Variants in ZDHHC23 observed in about 807,000 individuals in gnomAD.
ZDHHC23 encodes palmitoyltransferase ZDHHC23.
Under a neutral mutation model 40.2 loss-of-function variants are expected in ZDHHC23, and 41 were observed. The observed-to-expected ratio is 1.02, with a 90% CI of 0.79 to 1.32. ZDHHC23 has a LOEUF of 1.32. Among genes scored for constraint, ZDHHC23 ranks in the 40% most tolerant of loss-of-function variants. ZDHHC23 has a pLI of 0.00. For missense variants in ZDHHC23, 471 were observed against 541.5 expected (o/e 0.87, Z 1.29); for synonymous variants, 204 against 210.2 (o/e 0.97, Z 0.26).
At chr3:113,976,928 T>C in the ZDHHC23 span, among the ~76,000 whole-genome samples, 4 of 152,172 alleles carry the variant, frequency 2.6e-5, no homozygotes, top group Admixed American at 6.5e-5. Flanking sequence ...AACAAAACTA[T>C]AATCAACTTG....
Position 113,960,551 on chromosome 3 carries a change from A to C in ZDHHC23, c.*1921A>C. 6.9e-7 allele frequency: 1 copy of C among 1,447,858 alleles called. No individual in the cohort carries two copies. The highest frequency in any genetic ancestry group is 9.0e-7 in the Non-Finnish European group (1 of 1,107,746). The allele number at this position is 1,447,858 out of a possible 1,614,324, so 89.7% of individuals were successfully genotyped here. A position where few individuals can be genotyped will look rare whatever the true frequency, so the allele number is the denominator to read the frequency against. On this transcript the variant is annotated 3_prime_UTR_variant, in exon 5 of 5. Coordinates refer to ENST00000638807, the MANE Select transcript of ZDHHC23 (RefSeq NM_001320466.2). ...GCCAACTCTGATTATCTAGCCATTG[A>C]TCATACAAATTGATAGAAACATTAG...
At chr3:113,954,778 T>G (rs1243502529) in intron 3 of ZDHHC23, among the ~76,000 whole-genome samples, 1 of 152,250 alleles carries the variant, frequency 6.6e-6, no homozygotes, top group Non-Finnish European at 1.5e-5. Flanking sequence ...GCTATTCCTT[T>G]TTAAACATAA....
chr3:113,957,970 TC>T (rs1166204385), intron 4 of ZDHHC23: 114 of 373,428 alleles, frequency 3.1e-4, no homozygotes, highest in African/African-American at 2.3e-3. Flanking sequence ...ACCTGCAGCT[TC>T]CTAGAAGACA....
chr3:113,954,258 T>A lies in ZDHHC23; in HGVS notation c.720T>A (p.Asp240Glu), dbSNP rs1938959612. The A allele has an allele frequency of 6.2e-7, 1 of 1,614,010 alleles. No individual in the cohort carries two copies. The highest frequency in any genetic ancestry group is 1.3e-5 in the African/African-American group (1 of 74,922). The part of the protein sequence containing the change: ...SGSLNNRTTK[D>E]DPKGSSKMPA... The stretch of plus-strand genomic sequence containing the variant: ...GTCTCAACAATCGCACAACAAAGGA[T>A]GACCCCAAGGGCTCTTCCAAGATGC... The change falls in exon 3 of 5, where the codon GAT becomes GAA. Residue 240 changes from aspartate to glutamate, a missense_variant. By Grantham distance (45) the Asp-to-Glu change is conservative. Transcript: ENST00000638807.
At chr3:113,950,731 C>G (rs1175098299) in intron 2 of ZDHHC23, among the ~76,000 whole-genome samples, 2 of 152,298 alleles carry the variant, frequency 1.3e-5, no homozygotes, top group African/African-American at 4.8e-5. Context: ...AGAGTCTGGT[C>G]TGAATATCAT....
At position 113,961,979 on chromosome 3, in the gene ZDHHC23, G is replaced by C. The variant is rs1939710789; in HGVS notation, c.*3349G>C. 1 of 152,532 alleles carries C rather than the reference G, an allele frequency of 6.6e-6. No individual in the cohort carries two copies. The highest frequency in any genetic ancestry group is 6.5e-5 in the Admixed American group (1 of 15,270). The allele number at this position is 152,532 out of a possible 1,614,324, so 9.4% of individuals were successfully genotyped here. On this transcript the variant is annotated 3_prime_UTR_variant, in exon 5 of 5. Transcript: ENST00000638807. ...AAATTACAGTTTTGTGAGACTTAAG[G>C]GTCTTTTTAACCTAGGTAAGTTTAT...
intron 3 of ZDHHC23, among the ~76,000 whole-genome samples, chr3:113,955,532 C>A (rs1051300391): frequency 6.6e-6 from 1 of 152,142 alleles, no homozygotes; most frequent in African/African-American, 2.4e-5. Flanking sequence ...TGACACAGAA[C>A]TGTTTTTACC....
rs1559852414 is a variant in ZDHHC23, at chr3:113,959,799, CACTAAGAGAGAAGAA to C, written c.*1172_*1186del. 3.8e-6 allele frequency: 4 copies of C among 1,056,652 alleles called. No homozygotes were observed. Among genetic ancestry groups the C allele is most frequent in the Non-Finnish European group, 4.6e-6 (4 of 864,076 alleles). 65.5% of individuals were successfully genotyped at this position (1,056,652 alleles called of 1,614,324 possible). A position where few individuals can be genotyped will look rare whatever the true frequency, so the allele number is the denominator to read the frequency against. On this transcript the variant is annotated 3_prime_UTR_variant, in exon 5 of 5. Transcript: ENST00000638807. Reference sequence around the variant, plus strand: ...TACCCCTCCCTAAATAACAGTATCTCACTAAGAGAGAAGAAACAGGGTATATGTGGTTTCCACTAT... The same window carrying C: ...TACCCCTCCCTAAATAACAGTATCTCACAGGGTATATGTGGTTTCCACTAT...
chr3:113,953,181 TC>T (rs532735020), intron 2 of ZDHHC23, among the ~76,000 whole-genome samples: 1,546 of 152,256 alleles, frequency 0.01, 36 homozygotes, highest in Non-Finnish European at 0.015. Context: ...CCTTCCTTAC[TC>T]CCTCTCTATT....
the ZDHHC23 span, among the ~76,000 whole-genome samples, chr3:113,973,027 T>A: frequency 6.6e-6 from 1 of 152,306 alleles, no homozygotes; most frequent in African/African-American, 2.4e-5. Context: ...TGTCTTTTAA[T>A]TGGAGAACTG....
At chr3:113,949,000 C>T in intron 2 of ZDHHC23, 37 bp downstream of exon 2, 1 of 1,611,782 alleles carries the variant, frequency 6.2e-7, no homozygotes, top group Non-Finnish European at 8.5e-7. Flanking sequence ...GGCCCCATCA[C>T]CCTTCTGAGA....
intron 3 of ZDHHC23, among the ~76,000 whole-genome samples, chr3:113,955,347 TCTTCA>T (rs1348826971): frequency 1.3e-5 from 2 of 149,102 alleles, no homozygotes; most frequent in Admixed American, 6.8e-5. Context: ...TACTTCTGTG[TCTTCA>T]CTTATTCGTG....
chr3:113,974,795 T>TG, the ZDHHC23 span, among the ~76,000 whole-genome samples: 18 of 150,924 alleles, frequency 1.2e-4, no homozygotes, highest in South Asian at 1.0e-3. Flanking sequence ...GGCTGCCTCC[T>TG]TTTTGGCACT....
chr3:113,951,222 G>C (rs925320696), intron 2 of ZDHHC23, among the ~76,000 whole-genome samples: 1 of 152,124 alleles, frequency 6.6e-6, no homozygotes, highest in Non-Finnish European at 1.5e-5. Flanking sequence ...GGGTCTCTCT[G>C]TAGTGGCCCC....
intron 3 of ZDHHC23, among the ~76,000 whole-genome samples, chr3:113,954,820 G>A (rs1939016529): frequency 6.6e-6 from 1 of 152,112 alleles, no homozygotes; most frequent in Non-Finnish European, 1.5e-5. Context: ...ATTTTTAGGT[G>A]ACTCTTTTGT....
At position 113,959,694 on chromosome 3, in the gene ZDHHC23, C is replaced by T; in HGVS notation, c.*1064C>T. Reference sequence around the variant, plus strand: ...GCACTAAATTGTGAAAATCAGCCTTCTGGCATTCACATTATTCTGGTATGA... The same window carrying T: ...GCACTAAATTGTGAAAATCAGCCTTTTGGCATTCACATTATTCTGGTATGA... On this transcript the variant is annotated 3_prime_UTR_variant, in exon 5 of 5. Transcript: ENST00000638807. 8.9e-7 allele frequency: 1 copy of T among 1,124,416 alleles called. No individual in the cohort carries two copies. The highest frequency in any genetic ancestry group is 2.6e-4 in the Middle Eastern group (1 of 3,794). The allele number at this position is 1,124,416 out of a possible 1,614,324, so 69.7% of individuals were successfully genotyped here.
the ZDHHC23 span, among the ~76,000 whole-genome samples, chr3:113,972,098 T>A: frequency 6.6e-6 from 1 of 152,098 alleles, no homozygotes; most frequent in Non-Finnish European, 1.5e-5. Flanking sequence ...TTATATTATT[T>A]CCTTTCTTCT....
At chr3:113,953,612 T>G in intron 2 of ZDHHC23, 88 bp from the exon 3 acceptor site, 4 of 1,173,528 alleles carry the variant, frequency 3.4e-6, no homozygotes, top group Non-Finnish European at 4.8e-6. Flanking sequence ...TTTTATCGTT[T>G]ATCCCACTGT....
chr3:113,953,661 C>A, intron 2 of ZDHHC23, 39 bp from the exon 3 acceptor site: 1 of 1,547,480 alleles, frequency 6.5e-7, no homozygotes, highest in Non-Finnish European at 8.8e-7. Flanking sequence ...TTCAACAAAC[C>A]CACATGAAGT....
Sources: allele counts gnomAD v4.1 joint callset (sites outside exome capture counted in the v4.1 genomes callset), GRCh38; gene constraint gnomAD v4.1.1; transcripts MANE v1.5; gene names NCBI Gene and HGNC (gene_info 2026-07-23, HGNC 2026-07-21).